PCDH9: variants seen among roughly 807,000 people sequenced by gnomAD.
PCDH9 encodes the protein protocadherin 9.
PCDH9 carries 24 observed loss-of-function variants against 70.6 expected under a neutral mutation model. The ratio of observed to expected loss-of-function variants is 0.34; its 90% CI spans 0.25 to 0.48. The LOEUF is 0.48. Among genes scored for constraint, PCDH9 ranks in the 20% least tolerant of loss-of-function variants. The probability of loss-of-function intolerance (pLI) is 0.99; values close to 1 mark genes in which losing one functional copy is unlikely to be tolerated. For missense variants in PCDH9, 1,281 were observed against 1,503.6 expected (o/e 0.85, Z 2.45); for synonymous variants, 562 against 558.5 (o/e 1.01, Z -0.09).
At chr13:66,305,724 T>C (rs1187901683) in intron 4 of PCDH9, among the ~76,000 whole-genome samples, 1 of 152,090 alleles carries the variant, frequency 6.6e-6, no homozygotes, top group Non-Finnish European at 1.5e-5. Flanking sequence ...ATCCAGACAG[T>C]GTTTAGTTCC....
intron 4 of PCDH9, among the ~76,000 whole-genome samples, chr13:66,628,325 T>C (rs1181790235): frequency 6.6e-6 from 1 of 152,198 alleles, no homozygotes; most frequent in Non-Finnish European, 1.5e-5. Context: ...TCCCTGAATC[T>C]CCGGACAAAT....
intron 4 of PCDH9, among the ~76,000 whole-genome samples, chr13:66,445,885 T>A (rs1305779825): frequency 6.6e-6 from 1 of 150,792 alleles, no homozygotes; most frequent in African/African-American, 2.4e-5. Context: ...TATATTTTCC[T>A]TTCTCTTCCA....
intron 3 of PCDH9, among the ~76,000 whole-genome samples, chr13:66,797,505 A>G (rs892478009): frequency 6.6e-6 from 1 of 152,216 alleles, no homozygotes; most frequent in South Asian, 2.1e-4. Flanking sequence ...ATAATAACAA[A>G]CTTTCTAAGT....
rs1372422054 is a variant in PCDH9, at chr13:66,722,066, A to G, written c.3139-90655T>C. 3.5e-4 allele frequency among the ~76,000 whole-genome samples: 53 copies of G among 152,158 alleles called. 2 individuals carry two copies. The highest frequency in any genetic ancestry group is 3.5e-3 in the Admixed American group (53 of 15,276). ...TCTAAATATACTTTCTGTAAGGAAG[A>G]CTTAATACCCTCCCTATCTTCTGCA... On this transcript the variant is annotated intron_variant, in intron 3 of 4. Coordinates refer to ENST00000377865, the MANE Select transcript of PCDH9 (RefSeq NM_203487.3).
chr13:66,514,502 AAAG>A (rs1413724109), intron 4 of PCDH9, among the ~76,000 whole-genome samples: 4 of 151,664 alleles, frequency 2.6e-5, no homozygotes, highest in Non-Finnish European at 4.4e-5. Context: ...AAAAAAAAAA[AAAG>A]AAAGACATGC....
At chr13:66,621,547 G>A (rs1364532346) in intron 4 of PCDH9, among the ~76,000 whole-genome samples, 1 of 152,120 alleles carries the variant, frequency 6.6e-6, no homozygotes, top group South Asian at 2.1e-4. Flanking sequence ...TAGAGGAGTC[G>A]GCGTATATGA....
intron 3 of PCDH9, among the ~76,000 whole-genome samples, chr13:66,724,320 T>C (rs926346396): frequency 1.3e-5 from 2 of 152,126 alleles, no homozygotes; most frequent in African/African-American, 2.4e-5. Context: ...ATGGAAAATA[T>C]GAAAAAGCAT....
chr13:66,755,412 G>C (rs2079524843), intron 3 of PCDH9, among the ~76,000 whole-genome samples: 1 of 152,122 alleles, frequency 6.6e-6, no homozygotes, highest in South Asian at 2.1e-4. Context: ...GCACATGTCT[G>C]TTTCGTTGAA....
intron 4 of PCDH9, among the ~76,000 whole-genome samples, chr13:66,576,069 TAA>T (rs1239561008): frequency 5.2e-4 from 55 of 105,940 alleles, no homozygotes; most frequent in Non-Finnish European, 5.4e-4. Context: ...TCACAGCAGA[TAA>T]AAAAAAAAAA....
At chr13:67,091,921 T>C (rs2086226345) in intron 2 of PCDH9, among the ~76,000 whole-genome samples, 1 of 152,188 alleles carries the variant, frequency 6.6e-6, no homozygotes, top group South Asian at 2.1e-4. Flanking sequence ...TATTATTTAC[T>C]AAGGTTCATG....
chr13:66,502,491 A>G (rs893960899), intron 4 of PCDH9, among the ~76,000 whole-genome samples: 3 of 152,284 alleles, frequency 2.0e-5, no homozygotes, highest in South Asian at 4.1e-4. Context: ...TTTTGGTAAC[A>G]AAACTATATA....
At chr13:66,992,774 G>A (rs545118717) in intron 2 of PCDH9, among the ~76,000 whole-genome samples, 1 of 151,974 alleles carries the variant, frequency 6.6e-6, no homozygotes, top group East Asian at 1.9e-4. Flanking sequence ...GAGAAAACAG[G>A]CCACAGAATT....
chr13:66,979,580 A>C (rs545654420), intron 2 of PCDH9, among the ~76,000 whole-genome samples: 2 of 152,188 alleles, frequency 1.3e-5, no homozygotes, highest in Non-Finnish European at 2.9e-5. Flanking sequence ...CAACATACAA[A>C]TATTCTATAG....
At chr13:66,968,249 T>A (rs2083462247) in intron 2 of PCDH9, among the ~76,000 whole-genome samples, 1 of 152,076 alleles carries the variant, frequency 6.6e-6, no homozygotes. Context: ...TTTGTCATCT[T>A]CTAATTTTGC....
chr13:67,225,561 C>A lies in PCDH9; in HGVS notation c.2880G>T (p.Lys960Asn), dbSNP rs148661381. 1 of 1,613,996 alleles carries A rather than the reference C, an allele frequency of 6.2e-7. No individual in the cohort carries two copies. Among genetic ancestry groups the A allele is most frequent in the African/African-American group, 1.3e-5 (1 of 74,904 alleles). The part of the protein sequence containing the change: ...LKPDTPVSVK[K>N]HHVIQELPLD... Reference sequence around the variant, plus strand: ...AAGGGAGTTCCTGAATCACGTGGTGCTTTTTCACGGAAACTGGAGTGTCTG... The same window carrying A: ...AAGGGAGTTCCTGAATCACGTGGTGATTTTTCACGGAAACTGGAGTGTCTG... The change falls in exon 2 of 5, where the codon AAG becomes AAT. Residue 960 changes from lysine (K) to asparagine (N), a missense_variant. Physicochemically the swap from Lys to Asn is moderately conservative, Grantham distance 94 (BLOSUM62 0). Around this residue, in one of 4 missense-constraint regions of PCDH9, gnomAD observed 207 missense variants for 191.8 expected, o/e 1.08. Transcript: ENST00000377865.
At chr13:66,684,597 T>C (rs2078374201) in intron 3 of PCDH9, among the ~76,000 whole-genome samples, 1 of 152,162 alleles carries the variant, frequency 6.6e-6, no homozygotes, top group Non-Finnish European at 1.5e-5. Flanking sequence ...TGCCTTCACA[T>C]GAAGTAGGAT....
At chr13:66,811,912 T>C (rs1427433386) in intron 3 of PCDH9, among the ~76,000 whole-genome samples, 2 of 152,018 alleles carry the variant, frequency 1.3e-5, no homozygotes, top group Non-Finnish European at 2.9e-5. Flanking sequence ...ATTAAATATA[T>C]TTTAAAATTT....
intron 4 of PCDH9, among the ~76,000 whole-genome samples, chr13:66,595,079 T>C (rs892227026): frequency 7.3e-5 from 11 of 151,604 alleles, no homozygotes; most frequent in African/African-American, 2.7e-4. Flanking sequence ...ACACACATTT[T>C]TTTGAAAACT....
chr13:66,382,101 TGAATA>T, intron 4 of PCDH9, among the ~76,000 whole-genome samples: 1 of 152,286 alleles, frequency 6.6e-6, no homozygotes, highest in African/African-American at 2.4e-5. Context: ...AAAGGGTAGA[TGAATA>T]GAGGAAAAGT....
Sources: gnomAD v4.1 joint callset for allele counts (sites outside exome capture counted in the v4.1 genomes callset) on GRCh38, gnomAD v4.1.1 for gene constraint, gnomAD v4.1.1 regional missense constraint, MANE v1.5 for transcripts, NCBI Gene and HGNC (gene_info 2026-07-23, HGNC 2026-07-21) for gene names.